WDFY4: variants seen among roughly 807,000 people sequenced by gnomAD.
WDFY4 encodes WDFY family member 4.
In WDFY4, 169 loss-of-function variants were observed where a neutral mutation model predicts 351.9. That is an observed-to-expected ratio of 0.48 (90% confidence interval 0.42 to 0.55). The LOEUF (loss-of-function observed/expected upper bound fraction) is 0.55, where lower values mean the gene tolerates loss of function less well. WDFY4 is among the 20% of genes least tolerant of loss of function. The probability of loss-of-function intolerance (pLI) is 0.00; values close to 1 mark genes in which losing one functional copy is unlikely to be tolerated. For missense variants in WDFY4, 3,803 were observed against 3,935.6 expected (o/e 0.97, Z 0.90); for synonymous variants, 1,622 against 1,574.6 (o/e 1.03, Z -0.71).
intron 3 of WDFY4, 48 bp from the exon 4 acceptor site, chr10:48,721,213 C>A: frequency 6.6e-7 from 1 of 1,523,968 alleles, no homozygotes; most frequent in East Asian, 2.5e-5. Flanking sequence ...GGAGGGGAAG[C>A]TGAGTGGGCA....
intron 51 of WDFY4, among the ~76,000 whole-genome samples, chr10:48,952,713 G>A (rs959286846): frequency 1.3e-5 from 2 of 151,948 alleles, no homozygotes; most frequent in African/African-American, 4.8e-5. Context: ...AAGTCTTGAC[G>A]GGTTCACTCA....
rs1564535740 is a variant in WDFY4 at position 48,966,592 on chromosome 10, A to AC, written c.8508dup (p.Val2837ArgfsTer48). The AC allele has an allele frequency of 6.4e-7, 1 of 1,551,590 alleles. No individual in the cohort carries two copies. Among genetic ancestry groups the AC allele is most frequent in the Non-Finnish European group, 8.7e-7 (1 of 1,146,948 alleles). ...GCCTCTGCCTGGAAAGGATGTCTCC[A>AC]CCCCCGTGAGCCTGCCTGGCCACCC... On this transcript the variant is annotated frameshift_variant, in exon 55 of 62. Coordinates refer to ENST00000325239, the MANE Select transcript of WDFY4 (RefSeq NM_001394531.1). LOFTEE classifies it high-confidence loss of function.
intron 47 of WDFY4, among the ~76,000 whole-genome samples, chr10:48,932,187 C>A (rs976287317): frequency 3.3e-5 from 5 of 152,192 alleles, no homozygotes; most frequent in African/African-American, 1.2e-4. Flanking sequence ...TCAGTGGGCA[C>A]TCAACAAAGC....
At chr10:48,857,861 C>T (rs1001058572) in intron 39 of WDFY4, among the ~76,000 whole-genome samples, 13 of 151,974 alleles carry the variant, frequency 8.6e-5, no homozygotes, top group Admixed American at 1.3e-4. Flanking sequence ...GGTGCAGTCT[C>T]GGCTCACTGC....
chr10:48,819,203 C>G (rs766466368), intron 32 of WDFY4, among the ~76,000 whole-genome samples: 8 of 152,340 alleles, frequency 5.3e-5, no homozygotes, highest in Admixed American at 1.3e-4. Flanking sequence ...TGTCTTGGGG[C>G]TCCTGGCTCT....
intron 12 of WDFY4, among the ~76,000 whole-genome samples, chr10:48,746,560 G>A (rs995195555): frequency 4.0e-5 from 6 of 151,350 alleles, no homozygotes; most frequent in Admixed American, 6.6e-5. Context: ...ATTTGTTTAC[G>A]CTTTCATAAT....
chr10:48,733,583 G>A (rs2064542148), intron 9 of WDFY4, among the ~76,000 whole-genome samples: 1 of 152,214 alleles, frequency 6.6e-6, no homozygotes. Context: ...GCTTCTCAAA[G>A]AGCAGTCCCT....
chr10:48,881,773 C>G (rs756338279), intron 43 of WDFY4, among the ~76,000 whole-genome samples: 10 of 152,146 alleles, frequency 6.6e-5, no homozygotes, highest in Non-Finnish European at 1.5e-4. Context: ...TCTCCTCCCC[C>G]TCACACCTCC....
chr10:48,785,603 A>G (rs1471474661), intron 19 of WDFY4, among the ~76,000 whole-genome samples: 2 of 152,210 alleles, frequency 1.3e-5, no homozygotes, highest in East Asian at 1.9e-4. Context: ...TCATTTCTCA[A>G]TTGAATTGCT....
chr10:48,826,868 C>T lies in WDFY4; in HGVS notation c.6180C>T (p.Leu2060=), dbSNP rs1198686546. The change falls in exon 36 of 62, where the codon CTC becomes CTT. Residue 2060 remains leucine, a synonymous_variant. Coordinates refer to ENST00000325239, the MANE Select transcript of WDFY4 (RefSeq NM_001394531.1). Reference sequence around the variant, plus strand: ...CCTACAATTCCAACATCAGCTTCCTCCTGTGTCTCATGCATTGCCTTTTGC... The same window carrying T: ...CCTACAATTCCAACATCAGCTTCCTTCTGTGTCTCATGCATTGCCTTTTGC... ...FATYNSNISF[L]LCLMHCLLLL... is the part of the protein sequence containing the mutation. 2 of 1,551,748 alleles carry T rather than the reference C, an allele frequency of 1.3e-6. No individual in the cohort carries two copies. Among genetic ancestry groups the T allele is most frequent in the South Asian group, 1.2e-5 (1 of 84,064 alleles).
At chr10:48,945,635 C>G (rs1487203813) in intron 49 of WDFY4, among the ~76,000 whole-genome samples, 1 of 152,238 alleles carries the variant, frequency 6.6e-6, no homozygotes, top group African/African-American at 2.4e-5. Flanking sequence ...CCTCCCTGAA[C>G]AGATGACTTC....
At position 48,731,483 on chromosome 10, in the gene WDFY4, C is replaced by A; in HGVS notation, c.1503C>A (p.Thr501=). ...TCGCTGGTGGGGACCCCCTCTTCAC[C>A]GACATCTTCCGGGACTCAGGGCTCC... ...LSIAGGDPLF[T]DIFRDSGLLG... is the part of the protein sequence containing the mutation. The change falls in exon 9 of 62, where the codon ACC becomes ACA. Residue 501 remains threonine (T), a synonymous_variant. Coordinates refer to ENST00000325239, the MANE Select transcript of WDFY4 (RefSeq NM_001394531.1). The A allele has an allele frequency of 6.4e-7, 1 of 1,551,648 alleles. No homozygotes were observed. The highest frequency in any genetic ancestry group is 2.4e-5 in the East Asian group (1 of 40,922).
chr10:48,933,253 T>C (rs1311068931), intron 47 of WDFY4, among the ~76,000 whole-genome samples: 4 of 152,186 alleles, frequency 2.6e-5, no homozygotes, highest in Admixed American at 1.3e-4. Flanking sequence ...TTCCCATATC[T>C]TTTCCTTCCT....
Position 48,963,969 on chromosome 10 carries a change from G to A in WDFY4, c.8351G>A (p.Arg2784Lys), listed in dbSNP as rs1841971218. 21 of 1,550,940 alleles carry A rather than the reference G, an allele frequency of 1.4e-5. No individual in the cohort carries two copies. Among genetic ancestry groups the A allele is most frequent in the Non-Finnish European group, 1.7e-5 (20 of 1,147,010 alleles). ...TTCCACCCCTACTTCTACGGTGACA[G>A]AATGGACCTCAGCAGCATCACTGAC... Reference protein sequence around the residue: ...NIFHPYFYGDRMDLSSITDPL... With the variant: ...NIFHPYFYGDKMDLSSITDPL... The change falls in exon 54 of 62, where the codon AGA becomes AAA. Residue 2784 changes from arginine (R) to lysine (K), a missense_variant. Arg to Lys is a conservative substitution (Grantham distance 26). Around this residue, in one of 3 missense-constraint regions of WDFY4, gnomAD observed 3,054 missense variants for 3,148.6 expected, o/e 0.97. Transcript: ENST00000325239.
rs554304074 is a variant in WDFY4, at chr10:48,810,752, C to T, written c.5044+17C>T. 2 of 1,502,278 alleles carry T rather than the reference C, an allele frequency of 1.3e-6. No individual in the cohort carries two copies. Among genetic ancestry groups the T allele is most frequent in the South Asian group, 2.6e-5 (2 of 75,948 alleles). The allele number at this position is 1,502,278 out of a possible 1,614,324, so 93.1% of individuals were successfully genotyped here. A position where few individuals can be genotyped will look rare whatever the true frequency, so the allele number is the denominator to read the frequency against. ...TTGTAATGGGTGAGCACGTGGCTGT[C>T]TCCAGGGAGTGGGGCACCACCTAGT... On this transcript the variant is annotated intron_variant, in intron 29 of 61. Transcript: ENST00000325239.
At chr10:48,911,694 G>T (rs1838018759) in intron 47 of WDFY4, among the ~76,000 whole-genome samples, 6 of 152,180 alleles carry the variant, frequency 3.9e-5, no homozygotes, top group Admixed American at 3.9e-4. Context: ...AAAATAACTA[G>T]TAAGGAACTC....
chr10:48,970,042 C>G, intron 56 of WDFY4, 89 bp from the exon 57 acceptor site: 3 of 1,449,910 alleles, frequency 2.1e-6, no homozygotes, highest in Non-Finnish European at 2.8e-6. Flanking sequence ...CCAAGGCACT[C>G]AGACTGGCCC....
intron 11 of WDFY4, among the ~76,000 whole-genome samples, chr10:48,740,601 G>T (rs532083847): frequency 6.6e-6 from 1 of 152,338 alleles, no homozygotes; most frequent in South Asian, 2.1e-4. Context: ...GCTTTGCTTT[G>T]AGGGTGTGTC....
intron 13 of WDFY4, among the ~76,000 whole-genome samples, chr10:48,764,830 G>A (rs964716352): frequency 2.0e-5 from 3 of 152,254 alleles, no homozygotes; most frequent in Admixed American, 2.0e-4. Context: ...ATGGGAGGCA[G>A]GGAAGTGTAG....
Sources: gnomAD v4.1 joint callset for allele counts (sites outside exome capture counted in the v4.1 genomes callset) on GRCh38, gnomAD v4.1.1 for gene constraint, gnomAD v4.1.1 regional missense constraint, MANE v1.5 for transcripts, NCBI Gene and HGNC (gene_info 2026-07-23, HGNC 2026-07-21) for gene names.